The following EPC1 variants were observed in gnomAD, a reference collection of about 807,000 sequenced individuals.
The protein encoded by EPC1 is enhancer of polycomb 1.
EPC1 carries 12 observed loss-of-function variants against 98.4 expected under a neutral mutation model. The observed-to-expected ratio is 0.12, with a 90% CI of 0.08 to 0.20. EPC1 has a LOEUF of 0.20. Ranked by LOEUF, EPC1 falls within the 10% of genes least tolerant of loss-of-function variation. EPC1 has a pLI of 1.00. For missense variants in EPC1, 729 were observed against 990.5 expected, an observed-to-expected ratio of 0.74 and a Z score of 3.54; for synonymous variants, 357 against 363.9, an observed-to-expected ratio of 0.98 and a Z score of 0.21.
intron 1 of EPC1, among the ~76,000 whole-genome samples, chr10:32,322,314 T>A (rs1298934816): frequency 6.6e-6 from 1 of 152,128 alleles, no homozygotes; most frequent in Non-Finnish European, 1.5e-5. Flanking sequence ...CTATACCATA[T>A]ATGGAAACAA....
At chr10:32,374,136 A>C (rs912957446) in intron 1 of EPC1, among the ~76,000 whole-genome samples, 1 of 152,206 alleles carries the variant, frequency 6.6e-6, no homozygotes, top group Non-Finnish European at 1.5e-5. Context: ...ATTAACCATT[A>C]GCTAAGTGTT....
rs773353774 is a variant in EPC1, at chr10:32,272,050, C to T, written c.1981G>A (p.Val661Met). The T allele has an allele frequency of 6.2e-7, 1 of 1,613,608 alleles. No individual in the cohort carries two copies. The highest frequency in any genetic ancestry group is 1.3e-5 in the African/African-American group (1 of 75,006). ...MKDDVVLGIG[V>M]NGVLPASGVY... Reference sequence around the variant, plus strand: ...CCTGAGGCTGGAAGGACGCCATTCACCCCGATTCCAAGCACCACATCATCC... The same window carrying T: ...CCTGAGGCTGGAAGGACGCCATTCATCCCGATTCCAAGCACCACATCATCC... Residue 661 changes from valine (V) to methionine (M), a missense_variant, in exon 12 of 14, where the codon GTG becomes ATG. Around this residue, in one of 6 missense-constraint regions of EPC1, gnomAD observed 156 missense variants for 188.9 expected, o/e 0.83. Transcript: ENST00000319778.
chr10:32,371,272 G>C (rs1231255686), intron 1 of EPC1, among the ~76,000 whole-genome samples: 1 of 152,188 alleles, frequency 6.6e-6, no homozygotes, highest in Non-Finnish European at 1.5e-5. Context: ...AGAGTTTCCA[G>C]TGGATTGGAG....
chr10:32,346,575 G>T, intron 1 of EPC1, 188 bp downstream of exon 1: 1 of 619,610 alleles, frequency 1.6e-6, no homozygotes, highest in African/African-American at 1.9e-5. Context: ...CTTAGAAGGG[G>T]CCCCGCTGGG....
rs1440643518 is a variant in EPC1, at chr10:32,285,056, A to C, written c.1392-6T>G. On this transcript the variant is annotated splice_polypyrimidine_tract_variant and splice_region_variant and intron_variant, in intron 9 of 13. Coordinates refer to ENST00000319778, the MANE Select transcript of EPC1 (RefSeq NM_001272004.3). ...GAGCTCTGTCCAGTAAGACCCTATT[A>C]AAAAATCAGACAAGAAACAGTTATT... 4 of 1,591,984 alleles carry C rather than the reference A, an allele frequency of 2.5e-6. No individual in the cohort carries two copies. Among genetic ancestry groups the C allele is most frequent in the Non-Finnish European group, 3.4e-6 (4 of 1,166,834 alleles).
rs1835707844 is a variant in EPC1 at position 32,269,006 on chromosome 10, G to A, written c.*57C>T. The A allele has an allele frequency of 1.4e-6, 2 of 1,422,706 alleles. No homozygotes were observed. The highest frequency in any genetic ancestry group is 3.6e-5 in the Admixed American group (2 of 55,964). The allele number at this position is 1,422,706 out of a possible 1,614,324, so 88.1% of individuals were successfully genotyped here. ...TTCCATCATCCCTTGCATTCAAAAT[G>A]CTACTGATGCATAGCACCTAATCAA... On this transcript the variant is annotated 3_prime_UTR_variant, in exon 14 of 14. Coordinates refer to ENST00000319778, the MANE Select transcript of EPC1 (RefSeq NM_001272004.3).
intron 1 of EPC1, among the ~76,000 whole-genome samples, chr10:32,365,564 G>T (rs1358883486): frequency 6.6e-6 from 1 of 152,060 alleles, no homozygotes; most frequent in Non-Finnish European, 1.5e-5. Context: ...TGTAATCCTA[G>T]CACTTTGGGA....
At position 32,289,206 on chromosome 10, in the gene EPC1, A is replaced by G. The variant is rs186960638; in HGVS notation, c.976-1932T>C. On this transcript the variant is annotated intron_variant, in intron 6 of 13. Transcript: ENST00000319778. Reference sequence around the variant, plus strand: ...AAATGCAAAATTTAAATAAAAACTTACATGAGTAAACTAAAACAGTATTTT... The same window carrying G: ...AAATGCAAAATTTAAATAAAAACTTGCATGAGTAAACTAAAACAGTATTTT... 2.7e-3 allele frequency among the ~76,000 whole-genome samples: 414 copies of G among 152,318 alleles called. 5 individuals are homozygous for G. Among genetic ancestry groups the G allele is most frequent in the Middle Eastern group, 0.014 (4 of 294 alleles).
Position 32,269,047 on chromosome 10 carries a change from T to C in EPC1, c.*16A>G. 1 of 1,612,006 alleles carries C rather than the reference T, an allele frequency of 6.2e-7. No homozygotes were observed. The highest frequency in any genetic ancestry group is 8.5e-7 in the Non-Finnish European group (1 of 1,178,344). The stretch of plus-strand genomic sequence containing the variant: ...ACCTAATCAAGTCCCCAGGCTGCAG[T>C]TCCACTCGGAGGAAGCTACGTCACC... On this transcript the variant is annotated 3_prime_UTR_variant, in exon 14 of 14. Coordinates refer to ENST00000319778, the MANE Select transcript of EPC1 (RefSeq NM_001272004.3).
At chr10:32,350,694 CATATAAT>C (rs1470481614), upstream of EPC1, among the ~76,000 whole-genome samples, 36 of 152,274 alleles carry the variant, frequency 2.4e-4, 1 homozygote, top group Admixed American at 2.2e-3. Flanking sequence ...ATAATCATTA[CATATAAT>C]AGCACAAGAA....
chr10:32,377,279 C>T (rs1015437977), intron 1 of EPC1: 2 of 152,178 alleles, frequency 1.3e-5, no homozygotes, highest in South Asian at 4.2e-4. Context: ...TTAGAAAAAC[C>T]TCAGGAGAAA....
chr10:32,354,227 GTTTAACTT>G (rs1839205280), intron 1 of EPC1, among the ~76,000 whole-genome samples: 1 of 152,070 alleles, frequency 6.6e-6, no homozygotes, highest in Non-Finnish European at 1.5e-5. Context: ...AGTTATTTCA[GTTTAACTT>G]TATCTTCAAT....
intron 1 of EPC1, among the ~76,000 whole-genome samples, chr10:32,308,658 A>G (rs760111063): frequency 1.3e-5 from 2 of 152,218 alleles, no homozygotes; most frequent in Non-Finnish European, 2.9e-5. Flanking sequence ...ATGTTCCCAC[A>G]GGAATCCTCA....
intron 1 of EPC1, chr10:32,345,524 G>T (rs1462443962): frequency 2.0e-6 from 2 of 985,304 alleles, no homozygotes; most frequent in South Asian, 4.7e-5. Flanking sequence ...GGACTTCCTT[G>T]AACTGTCAAT....
chr10:32,287,445 G>A (rs901818638), intron 6 of EPC1, among the ~76,000 whole-genome samples, 171 bp from the exon 7 acceptor site: 33 of 152,138 alleles, frequency 2.2e-4, no homozygotes, highest in African/African-American at 8.0e-4. Flanking sequence ...AGAGAAGTTG[G>A]CCTCCATGAA....
intron 2 of EPC1, among the ~76,000 whole-genome samples, chr10:32,295,628 AAC>A (rs1835107036): frequency 1.3e-5 from 2 of 152,180 alleles, no homozygotes; most frequent in Non-Finnish European, 2.9e-5. Context: ...TTAGATTAAA[AAC>A]ACTTGATATA....
At chr10:32,292,866 G>T in intron 4 of EPC1, 122 bp downstream of exon 4, 2 of 767,676 alleles carry the variant, frequency 2.6e-6, no homozygotes, top group Non-Finnish European at 1.9e-6. Context: ...TTCAATTTAA[G>T]TATTTTTCTT....
Position 32,322,258 on chromosome 10 carries a change from C to T in EPC1, c.154-16327G>A, listed in dbSNP as rs193275973. Among the ~76,000 whole-genome samples the T allele has an allele frequency of 2.0e-5, 3 of 152,092 alleles. No individual in the cohort carries two copies. The East Asian group carries it at 5.8e-4, about 29-fold the overall frequency. On this transcript the variant is annotated intron_variant, in intron 1 of 13. Coordinates refer to ENST00000319778, the MANE Select transcript of EPC1 (RefSeq NM_001272004.3). ...AGAAAACTATTAAAATTTGTTAGTT[C>T]TTCCTCTGGATTTCTAACACTTTGC...
chr10:32,346,806 G>A lies in EPC1; in HGVS notation c.110C>T (p.Ala37Val). 6.2e-7 allele frequency: 1 copy of A among 1,614,168 alleles called. No homozygotes were observed. The highest frequency in any genetic ancestry group is 8.5e-7 in the Non-Finnish European group (1 of 1,180,010). The part of the protein sequence containing the change: ...DLHEYASINR[A>V]VPQMPTGMEK... ...CATTCCGGTGGGCATCTGCGGCACGGCCCTGTTTATCGAGGCGTATTCGTG... is the reference window on the plus strand; with the variant it reads ...CATTCCGGTGGGCATCTGCGGCACGACCCTGTTTATCGAGGCGTATTCGTG... The change falls in exon 1 of 14, where the codon GCC (alanine) becomes GTC (valine). Residue 37 changes from alanine to valine, a missense_variant. Around this residue, in one of 6 missense-constraint regions of EPC1, gnomAD observed 46 missense variants for 119.7 expected, o/e 0.38. Transcript: ENST00000319778.
Sources: gnomAD v4.1 joint callset for allele counts (sites outside exome capture counted in the v4.1 genomes callset) on GRCh38, gnomAD v4.1.1 for gene constraint, gnomAD v4.1.1 regional missense constraint, MANE v1.5 for transcripts, NCBI Gene and HGNC (gene_info 2026-07-23, HGNC 2026-07-21) for gene names.